Variants in STAU2 observed in about 807,000 individuals in gnomAD.
The protein encoded by STAU2 is double-stranded RNA-binding protein Staufen homolog 2.
Under a neutral mutation model 65.9 loss-of-function variants are expected in STAU2, and 20 were observed. The observed-to-expected ratio is 0.30, with a 90% confidence interval of 0.21 to 0.44. The LOEUF is 0.44. STAU2 is among the 20% of genes least tolerant of loss of function. The pLI, the probability that STAU2 is intolerant of heterozygous loss-of-function variation, is 1.00. For synonymous variants in STAU2, 232 were observed against 233.9 expected (o/e 0.99, Z 0.07); for missense variants, 558 against 683.9 (o/e 0.82, Z 2.05).
chr8:73,439,406 G>C (rs1466319829), intron 13 of STAU2, among the ~76,000 whole-genome samples: 1 of 152,136 alleles, frequency 6.6e-6, no homozygotes, highest in Non-Finnish European at 1.5e-5. Context: ...CACTTGAGGT[G>C]AGGAGTTCGA....
intron 12 of STAU2, among the ~76,000 whole-genome samples, chr8:73,556,916 C>T (rs983750141): frequency 6.6e-6 from 1 of 151,578 alleles, no homozygotes; most frequent in African/African-American, 2.4e-5. Flanking sequence ...TATTATACTT[C>T]AATTATACCT....
intron 3 of STAU2, among the ~76,000 whole-genome samples, chr8:73,713,338 T>C (rs534421599): frequency 6.6e-6 from 1 of 152,336 alleles, no homozygotes; most frequent in African/African-American, 2.4e-5. Flanking sequence ...ACAGCAACTG[T>C]GTTCAAGTCA....
At chr8:73,597,011 A>G (rs1811233709) in intron 10 of STAU2, among the ~76,000 whole-genome samples, 2 of 152,170 alleles carry the variant, frequency 1.3e-5, no homozygotes, top group Non-Finnish European at 2.9e-5. Context: ...TCTAGAAGAA[A>G]ATGCATAGCC....
At chr8:73,430,455 T>A (rs552622456) in intron 13 of STAU2, among the ~76,000 whole-genome samples, 1 of 152,234 alleles carries the variant, frequency 6.6e-6, no homozygotes, top group Non-Finnish European at 1.5e-5. Flanking sequence ...TCACACTTCA[T>A]CACCCCCTAT....
At chr8:73,473,265 C>A (rs1820133186) in intron 13 of STAU2, among the ~76,000 whole-genome samples, 1 of 152,078 alleles carries the variant, frequency 6.6e-6, no homozygotes, top group South Asian at 2.1e-4. Flanking sequence ...AATGAGAATA[C>A]GTGACCTCTG....
chr8:73,670,549 C>T (rs1817602028), intron 6 of STAU2: 1 of 152,128 alleles, frequency 6.6e-6, no homozygotes, highest in Non-Finnish European at 1.5e-5. Flanking sequence ...CCAGGCATAC[C>T]TGAGAGGAAA....
At chr8:73,672,901 G>GA (rs11287395) in intron 6 of STAU2, 140,502 of 296,294 alleles carry the variant, frequency 0.47, 25,684 homozygotes, top group Non-Finnish European at 0.53. Flanking sequence ...TGGGGTAGGG[G>GA]AAAAAAAAAA....
intron 10 of STAU2, among the ~76,000 whole-genome samples, chr8:73,600,804 C>T (rs1038975043): frequency 7.2e-5 from 11 of 152,230 alleles, no homozygotes; most frequent in African/African-American, 2.7e-4. Flanking sequence ...AAAACAAGTG[C>T]TTCCCAGATT....
At chr8:73,449,961 G>A (rs1818714189) in intron 13 of STAU2, among the ~76,000 whole-genome samples, 1 of 152,216 alleles carries the variant, frequency 6.6e-6, no homozygotes, top group African/African-American at 2.4e-5. Flanking sequence ...CAGGGCTACA[G>A]GGAGGGCCAG....
intron 13 of STAU2, among the ~76,000 whole-genome samples, chr8:73,463,285 T>C (rs1819473401): frequency 6.6e-6 from 1 of 152,242 alleles, no homozygotes; most frequent in African/African-American, 2.4e-5. Context: ...GGTCTATTTT[T>C]ACTTTCTTTT....
intron 13 of STAU2, among the ~76,000 whole-genome samples, chr8:73,482,801 C>T (rs1820701346): frequency 1.3e-5 from 2 of 152,034 alleles, no homozygotes; most frequent in South Asian, 2.1e-4. Flanking sequence ...TCAAAAATAA[C>T]ACTTCACAAC....
chr8:73,524,331 A>G (rs1563401177), intron 13 of STAU2, among the ~76,000 whole-genome samples: 1 of 152,128 alleles, frequency 6.6e-6, no homozygotes, highest in African/African-American at 2.4e-5. Flanking sequence ...GAAAGGACAG[A>G]AGAGGTAGGA....
chr8:73,458,832 T>G (rs1222370004), intron 13 of STAU2: 3 of 152,260 alleles, frequency 2.0e-5, no homozygotes, highest in African/African-American at 7.2e-5. Flanking sequence ...TGGGTGGCAC[T>G]GGAGAAGGGC....
Position 73,481,333 on chromosome 8 carries a change from G to T in STAU2, c.1531-58631C>A, listed in dbSNP as rs75045764. The stretch of plus-strand genomic sequence containing the variant: ...AAAGCACAACATTGCCATTATAGAT[G>T]GAGGGCTGGGAGAAAAGAAACAGCA... On this transcript the variant is annotated intron_variant, in intron 13 of 14. Coordinates refer to ENST00000524300, the MANE Select transcript of STAU2 (RefSeq NM_001164380.2). 3.1e-3 allele frequency among the ~76,000 whole-genome samples: 472 copies of T among 151,984 alleles called. 12 individuals are homozygous for T. The East Asian group carries it at 0.072, about 23-fold the overall frequency.
chr8:73,469,475 A>T lies in STAU2; in HGVS notation c.1531-46773T>A, dbSNP rs918359040. Among the ~76,000 whole-genome samples, 31 of 10,618 alleles carry T rather than the reference A, an allele frequency of 2.9e-3. 1 individual carries two copies. The highest frequency in any genetic ancestry group is 0.12 in the East Asian group (1 of 8). 7.0% of individuals were successfully genotyped at this position (10,618 alleles called of 152,430 possible). On this transcript the variant is annotated intron_variant, in intron 13 of 14. Coordinates refer to ENST00000524300, the MANE Select transcript of STAU2 (RefSeq NM_001164380.2). ...ATAATAAAATATATATATATATTTA[A>T]AAAAAAAAAAAGAAAGTGTGTCTGG...
intron 10 of STAU2, 109 bp from the exon 11 acceptor site, chr8:73,595,406 T>C (rs1322381253): frequency 9.5e-7 from 1 of 1,056,220 alleles, no homozygotes; most frequent in Non-Finnish European, 1.3e-6. Context: ...AAACATAAAG[T>C]TCAGTCCAAA....
At chr8:73,731,477 G>A (rs1806065670) in intron 3 of STAU2, among the ~76,000 whole-genome samples, 1 of 152,094 alleles carries the variant, frequency 6.6e-6, no homozygotes, top group South Asian at 2.1e-4. Flanking sequence ...ACAATTGAAG[G>A]GCTTTACCTT....
At chr8:73,609,586 G>A (rs1812295071) in intron 9 of STAU2, among the ~76,000 whole-genome samples, 1 of 151,784 alleles carries the variant, frequency 6.6e-6, no homozygotes, top group Admixed American at 6.6e-5. Flanking sequence ...CCCAGGAGGT[G>A]GAGGTTGCAG....
intron 12 of STAU2, among the ~76,000 whole-genome samples, chr8:73,554,170 A>G (rs1276587116): frequency 1.3e-5 from 2 of 152,184 alleles, no homozygotes; most frequent in African/African-American, 2.4e-5. Flanking sequence ...GAGCTCTGAG[A>G]CAAGCAAGAC....
Sources: allele counts gnomAD v4.1 joint callset (sites outside exome capture counted in the v4.1 genomes callset), GRCh38; gene constraint gnomAD v4.1.1; transcripts MANE v1.5; gene names NCBI Gene and HGNC (gene_info 2026-07-23, HGNC 2026-07-21).